COL25A1: variants seen among roughly 807,000 people sequenced by gnomAD.
The protein encoded by COL25A1 is collagen type XXV alpha 1 chain, also known as collagen alpha-1(XXV) chain.
COL25A1 carries 103 observed loss-of-function variants against 128.4 expected under a neutral mutation model. The ratio of observed to expected loss-of-function variants is 0.80; its 90% CI spans 0.68 to 0.94. COL25A1 has a LOEUF of 0.94. Among genes scored for constraint, COL25A1 ranks in the 40% least tolerant of loss-of-function variants. The pLI is 0.00. For synonymous variants in COL25A1, 279 were observed against 277.2 expected (o/e 1.01, Z -0.06); for missense variants, 745 against 840.0 (o/e 0.89, Z 1.40).
At chr4:109,157,712 G>T (rs1578314600) in intron 3 of COL25A1, among the ~76,000 whole-genome samples, 1 of 152,154 alleles carries the variant, frequency 6.6e-6, no homozygotes, top group African/African-American at 2.4e-5. Flanking sequence ...TGTCTTACAA[G>T]GATTTTGATA....
intron 24 of COL25A1, among the ~76,000 whole-genome samples, chr4:108,857,296 T>C (rs1736642531): frequency 6.6e-6 from 1 of 152,152 alleles, no homozygotes; most frequent in Non-Finnish European, 1.5e-5. Context: ...AAACTTTGTG[T>C]TCCCTGTCTC....
chr4:109,247,124 G>A (rs922679025), intron 3 of COL25A1, among the ~76,000 whole-genome samples: 9 of 152,202 alleles, frequency 5.9e-5, no homozygotes, highest in African/African-American at 1.9e-4. Flanking sequence ...AGCACTTTGG[G>A]AGGCCGAGGC....
chr4:109,225,274 A>G (rs1778728351), intron 3 of COL25A1, among the ~76,000 whole-genome samples: 1 of 152,214 alleles, frequency 6.6e-6, no homozygotes, highest in African/African-American at 2.4e-5. Flanking sequence ...AGGAATTCAA[A>G]CAACAAAAAG....
chr4:109,169,183 C>A (rs1395195512), intron 3 of COL25A1, among the ~76,000 whole-genome samples: 1 of 152,184 alleles, frequency 6.6e-6, no homozygotes, highest in East Asian at 1.9e-4. Flanking sequence ...TGTGTCCTGA[C>A]ACATGCAATA....
intron 6 of COL25A1, among the ~76,000 whole-genome samples, chr4:109,007,230 C>T (rs1452079963): frequency 6.6e-6 from 1 of 152,056 alleles, no homozygotes; most frequent in African/African-American, 2.4e-5. Flanking sequence ...ACAAAATATA[C>T]AGATGGATAG....
At chr4:108,939,184 T>G (rs941653154) in intron 10 of COL25A1, among the ~76,000 whole-genome samples, 2 of 152,206 alleles carry the variant, frequency 1.3e-5, no homozygotes, top group African/African-American at 4.8e-5. Flanking sequence ...GAAGAGACAC[T>G]CACTGTATTT....
chr4:109,068,984 G>A (rs1237214246), intron 3 of COL25A1, among the ~76,000 whole-genome samples: 1 of 151,990 alleles, frequency 6.6e-6, no homozygotes, highest in African/African-American at 2.4e-5. Context: ...TAATTATGAT[G>A]AAGAATGAGG....
At chr4:109,111,116 T>C (rs140058286) in intron 3 of COL25A1, among the ~76,000 whole-genome samples, 232 of 152,304 alleles carry the variant, frequency 1.5e-3, no homozygotes, top group African/African-American at 5.2e-3. Flanking sequence ...TCCCTGCACA[T>C]GGAGTCTTTA....
chr4:108,867,011 G>C (rs919647665), intron 20 of COL25A1, among the ~76,000 whole-genome samples: 2 of 152,158 alleles, frequency 1.3e-5, no homozygotes, highest in Admixed American at 1.3e-4. Context: ...AGTAGTATCT[G>C]TTATATGAGT....
intron 8 of COL25A1, among the ~76,000 whole-genome samples, chr4:108,946,952 A>C (rs1748831288): frequency 6.6e-6 from 1 of 152,194 alleles, no homozygotes; most frequent in African/African-American, 2.4e-5. Flanking sequence ...CTTGGCTGAT[A>C]ATATAAGGGT....
chr4:109,296,002 G>A (rs1426063276), intron 3 of COL25A1, among the ~76,000 whole-genome samples: 1 of 152,018 alleles, frequency 6.6e-6, no homozygotes, highest in Non-Finnish European at 1.5e-5. Flanking sequence ...CAGTGGTACT[G>A]TTCAGTAAGC....
chr4:109,075,138 A>G lies in COL25A1; in HGVS notation c.368-24959T>C, dbSNP rs905357733. ...GTTTTATGATGAGAATATGACAGTT[A>G]AGTACCAATTCAAAATCCAGGAAAC... is the stretch of plus-strand genomic sequence containing the variant. On this transcript the variant is annotated intron_variant, in intron 3 of 37. Transcript: ENST00000399132. 7.2e-5 allele frequency among the ~76,000 whole-genome samples: 11 copies of G among 152,310 alleles called. No homozygotes were observed. In the East Asian group the frequency reaches 2.1e-3, roughly 29 times the overall value.
chr4:109,063,809 C>T (rs182875418), intron 3 of COL25A1, among the ~76,000 whole-genome samples: 5 of 152,232 alleles, frequency 3.3e-5, no homozygotes, highest in Admixed American at 3.3e-4. Context: ...CCTCAAATGG[C>T]AGGAGAAAAA....
chr4:108,992,325 A>G (rs1023556556), intron 6 of COL25A1, among the ~76,000 whole-genome samples: 3 of 152,214 alleles, frequency 2.0e-5, no homozygotes, highest in Non-Finnish European at 4.4e-5. Flanking sequence ...CTATTTCACT[A>G]TCCTCTGTTG....
At chr4:108,984,866 G>A (rs899392567) in intron 6 of COL25A1, among the ~76,000 whole-genome samples, 2 of 152,260 alleles carry the variant, frequency 1.3e-5, no homozygotes, top group Admixed American at 6.5e-5. Flanking sequence ...CAGAGGAAGC[G>A]CCAAGAGCCA....
chr4:109,149,011 C>T (rs1771215219), intron 3 of COL25A1, among the ~76,000 whole-genome samples: 1 of 152,202 alleles, frequency 6.6e-6, no homozygotes, highest in Non-Finnish European at 1.5e-5. Flanking sequence ...AAGTCAACTG[C>T]TCTTCCACAA....
chr4:109,130,058 T>C (rs1244610599), intron 3 of COL25A1, among the ~76,000 whole-genome samples: 1 of 150,426 alleles, frequency 6.6e-6, no homozygotes, highest in African/African-American at 2.4e-5. Flanking sequence ...AGATAACAGA[T>C]GAAAATTCCT....
chr4:109,087,870 C>G (rs577846422), intron 3 of COL25A1, among the ~76,000 whole-genome samples: 1 of 152,010 alleles, frequency 6.6e-6, no homozygotes, highest in Non-Finnish European at 1.5e-5. Flanking sequence ...ATACACTGTT[C>G]TGTGATTATT....
At chr4:109,121,719 T>C (rs543697618) in intron 3 of COL25A1, among the ~76,000 whole-genome samples, 1 of 152,210 alleles carries the variant, frequency 6.6e-6, no homozygotes, top group African/African-American at 2.4e-5. Flanking sequence ...TTTGGCAGTT[T>C]CTTACAAAAT....
Sources: gnomAD v4.1 joint callset for allele counts (sites outside exome capture counted in the v4.1 genomes callset) on GRCh38, gnomAD v4.1.1 for gene constraint, MANE v1.5 for transcripts, NCBI Gene and HGNC (gene_info 2026-07-23, HGNC 2026-07-21) for gene names.